The following WDR59 variants were observed in gnomAD, a reference collection of about 807,000 sequenced individuals.
WDR59 encodes WD repeat domain 59, also known as GATOR2 complex protein WDR59.
WDR59 carries 100 observed loss-of-function variants against 131.2 expected under a neutral mutation model. That is an observed-to-expected ratio of 0.76 (90% confidence interval 0.65 to 0.90). WDR59 has a LOEUF of 0.90. Ranked by LOEUF, WDR59 falls within the 40% of genes least tolerant of loss-of-function variation. The pLI is 0.00. For synonymous variants in WDR59, 601 were observed against 466.2 expected, an observed-to-expected ratio of 1.29 and a Z score of -3.72; for missense variants, 1,203 against 1,262.2, an observed-to-expected ratio of 0.95 and a Z score of 0.71.
chr16:74,964,287 G>A (rs2033676537), intron 2 of WDR59, among the ~76,000 whole-genome samples: 1 of 150,930 alleles, frequency 6.6e-6, no homozygotes. Flanking sequence ...GCTGAGGCAG[G>A]AGAATCACTT....
At chr16:74,971,381 T>C (rs1453319364) in intron 1 of WDR59, among the ~76,000 whole-genome samples, 1 of 151,738 alleles carries the variant, frequency 6.6e-6, no homozygotes, top group African/African-American at 2.4e-5. Context: ...ACCCATACAC[T>C]TTATACTGTA....
chr16:74,873,752 G>C lies in WDR59; in HGVS notation c.*457C>G, dbSNP rs1051432. On this transcript the variant is annotated 3_prime_UTR_variant, in exon 26 of 26. Coordinates refer to ENST00000262144, the MANE Select transcript of WDR59 (RefSeq NM_030581.4). ...GTCCATCAGCTCAGTAAATGTACCA[G>C]CTTCTAAAGCCATGATGCCATAGGT... 0.085 allele frequency: 13,515 copies of C among 158,844 alleles called. 664 individuals carry two copies. Among genetic ancestry groups the C allele is most frequent in the African/African-American group, 0.11 (4,407 of 41,594 alleles). The allele number at this position is 158,844 out of a possible 1,614,324, so 9.8% of individuals were successfully genotyped here. A position where few individuals can be genotyped will look rare whatever the true frequency, so the allele number is the denominator to read the frequency against.
intron 1 of WDR59, among the ~76,000 whole-genome samples, chr16:74,976,520 G>C (rs1385204923): frequency 6.7e-6 from 1 of 149,260 alleles, no homozygotes; most frequent in African/African-American, 2.5e-5. Context: ...TTGGCTCCCT[G>C]AACCTCCACC....
chr16:74,896,072 G>C (rs1470411967), intron 18 of WDR59, among the ~76,000 whole-genome samples: 4 of 151,686 alleles, frequency 2.6e-5, no homozygotes, highest in African/African-American at 4.9e-5. Context: ...TCTCAAGTGA[G>C]ACTCAGGGCA....
intron 2 of WDR59, among the ~76,000 whole-genome samples, chr16:74,960,228 G>C (rs1243182890): frequency 6.6e-6 from 1 of 151,986 alleles, no homozygotes; most frequent in Non-Finnish European, 1.5e-5. Context: ...TTACTTGGGA[G>C]GCTGAGGCAG....
rs183210045 is a variant in WDR59, at chr16:74,983,123, G to A, written c.54+1841C>T. Reference sequence around the variant, plus strand: ...TTTGGGAGGCCAAAGTGGGAGAATCGCCTGAGGCCAGGGGTTCAAGACCAG... The same window carrying A: ...TTTGGGAGGCCAAAGTGGGAGAATCACCTGAGGCCAGGGGTTCAAGACCAG... On this transcript the variant is annotated intron_variant, in intron 1 of 25. Coordinates refer to ENST00000262144, the MANE Select transcript of WDR59 (RefSeq NM_030581.4). Among the ~76,000 whole-genome samples, 5 of 152,254 alleles carry A rather than the reference G, an allele frequency of 3.3e-5. No homozygotes were observed. The East Asian group carries it at 9.6e-4, about 29-fold the overall frequency.
At chr16:74,958,588 A>G in intron 2 of WDR59, among the ~76,000 whole-genome samples, 2 of 123,700 alleles carry the variant, frequency 1.6e-5, no homozygotes, top group Admixed American at 8.3e-5. Flanking sequence ...CTGAGACTCC[A>G]TCTCAAAAAA....
At chr16:74,906,928 A>C (rs1965848324) in intron 17 of WDR59, among the ~76,000 whole-genome samples, 1 of 152,168 alleles carries the variant, frequency 6.6e-6, no homozygotes, top group Admixed American at 6.6e-5. Flanking sequence ...CATACACTTC[A>C]TATTTGTGTA....
intron 25 of WDR59, among the ~76,000 whole-genome samples, chr16:74,875,648 GC>G (rs1348982761): frequency 6.6e-6 from 1 of 152,148 alleles, no homozygotes; most frequent in Non-Finnish European, 1.5e-5. Context: ...CAGTCCACCT[GC>G]CCCTTTCTAG....
At chr16:74,936,037 G>C (rs1332425232) in intron 8 of WDR59, among the ~76,000 whole-genome samples, 1 of 152,046 alleles carries the variant, frequency 6.6e-6, no homozygotes, top group East Asian at 1.9e-4. Flanking sequence ...GGATATAGTG[G>C]AATAAATCAA....
chr16:74,910,126 C>A (rs1180160039), intron 14 of WDR59, among the ~76,000 whole-genome samples: 5 of 151,946 alleles, frequency 3.3e-5, no homozygotes, highest in Non-Finnish European at 7.4e-5. Flanking sequence ...CACCCCCATG[C>A]CTGGCTAATT....
At chr16:74,968,704 G>A (rs770694405) in intron 1 of WDR59, among the ~76,000 whole-genome samples, 9 of 151,992 alleles carry the variant, frequency 5.9e-5, no homozygotes, top group African/African-American at 1.2e-4. Flanking sequence ...CAGCCTGGGC[G>A]ACAGAGCAAG....
intron 9 of WDR59, among the ~76,000 whole-genome samples, chr16:74,923,109 G>T (rs1307171699): frequency 3.3e-5 from 5 of 152,186 alleles, no homozygotes; most frequent in African/African-American, 1.2e-4. Flanking sequence ...AAGTCAGCTT[G>T]TGAACTACAG....
At chr16:74,898,475 C>T (rs1331274364) in intron 18 of WDR59, among the ~76,000 whole-genome samples, 1 of 152,144 alleles carries the variant, frequency 6.6e-6, no homozygotes, top group Non-Finnish European at 1.5e-5. Context: ...ACATGATGAG[C>T]ACCAGGCTGC....
At chr16:74,966,915 T>G (rs148771723) in intron 1 of WDR59, among the ~76,000 whole-genome samples, 25 of 152,340 alleles carry the variant, frequency 1.6e-4, no homozygotes, top group Non-Finnish European at 2.9e-4. Flanking sequence ...AAGGCTTATT[T>G]TAATCCAGGC....
In WDR59 at chr16:74,949,016, G is replaced by A. The variant is rs1436229818; in HGVS notation, c.408-460C>T. Among the ~76,000 whole-genome samples, 9 of 151,840 alleles carry A rather than the reference G, an allele frequency of 5.9e-5. No individual in the cohort carries two copies. In the East Asian group the frequency reaches 1.7e-3, roughly 29 times the overall value. On this transcript the variant is annotated intron_variant, in intron 5 of 25. Coordinates refer to ENST00000262144, the MANE Select transcript of WDR59 (RefSeq NM_030581.4). Reference sequence around the variant, plus strand: ...TCTGTCTCAGAAAAAAAGAAAGAAAGAAAGAAAGAAAACAAATTACAGGCC... The same window carrying A: ...TCTGTCTCAGAAAAAAAGAAAGAAAAAAAGAAAGAAAACAAATTACAGGCC...
rs1966000943 is a variant in WDR59 at position 74,909,914 on chromosome 16, G to C, written c.1393C>G (p.Leu465Val). The C allele has an allele frequency of 6.2e-7, 1 of 1,607,174 alleles. No homozygotes were observed. Among genetic ancestry groups the C allele is most frequent in the Non-Finnish European group, 8.5e-7 (1 of 1,177,838 alleles). The change falls in exon 15 of 26, where the codon CTG (leucine) becomes GTG (valine). Residue 465 changes from leucine to valine, a missense_variant. Transcript: ENST00000262144. The stretch of plus-strand genomic sequence containing the variant: ...ACTTTCTGCAGGGCTGTGTCCTTCA[G>C]GATCTAGAAAAGGCCCAAAACACAG... ...STMKAKLLKILKDTALQKVKR... is the reference protein window; with the variant it reads ...STMKAKLLKIVKDTALQKVKR...
Position 74,972,403 on chromosome 16 carries a change from G to C in WDR59, c.55-6581C>G, listed in dbSNP as rs142335498. On this transcript the variant is annotated intron_variant, in intron 1 of 25. Coordinates refer to ENST00000262144, the MANE Select transcript of WDR59 (RefSeq NM_030581.4). ...AAGGCAACAGTGTTCTGAAGCACTT[G>C]GTTTCAGCAATCCAAAGCAACAGAC... Among the ~76,000 whole-genome samples the C allele has an allele frequency of 9.7e-4, 148 of 152,246 alleles. 1 individual carries two copies. Among genetic ancestry groups the C allele is most frequent in the African/African-American group, 3.4e-3 (143 of 41,564 alleles).
At chr16:74,898,908 G>A (rs530206844) in intron 18 of WDR59, among the ~76,000 whole-genome samples, 1 of 152,348 alleles carries the variant, frequency 6.6e-6, no homozygotes, top group South Asian at 2.1e-4. Flanking sequence ...GTTGGCAGCA[G>A]TGGTACTTGC....
Sources: allele counts gnomAD v4.1 joint callset (sites outside exome capture counted in the v4.1 genomes callset), GRCh38; gene constraint gnomAD v4.1.1; transcripts MANE v1.5; gene names NCBI Gene and HGNC (gene_info 2026-07-23, HGNC 2026-07-21).